Variants in LOC400499 observed in about 807,000 individuals in gnomAD.
chr16:11,389,685 CAAAAAA>C, the LOC400499 span, among the ~76,000 whole-genome samples: 2 of 59,060 alleles, frequency 3.4e-5, no homozygotes, highest in South Asian at 9.6e-4. Flanking sequence ...AACTCCATCT[CAAAAAA>C]AAAAAAAAAA....
the LOC400499 span, chr16:11,462,296 C>T: frequency 6.7e-7 from 1 of 1,489,556 alleles, no homozygotes; most frequent in Admixed American, 2.2e-5. Context: ...CTGCAGGTCA[C>T]TCCAGCCCTG....
the LOC400499 span, among the ~76,000 whole-genome samples, chr16:11,518,041 T>G: frequency 2.6e-5 from 4 of 152,044 alleles, no homozygotes; most frequent in African/African-American, 9.7e-5. Flanking sequence ...AGAGAAATGC[T>G]AATGGCGCCC....
the LOC400499 span, among the ~76,000 whole-genome samples, chr16:11,510,875 G>T: frequency 2.0e-5 from 3 of 151,640 alleles, no homozygotes; most frequent in Non-Finnish European, 2.9e-5. Context: ...GAACTTCAAG[G>T]AGGGATAAAG....
the LOC400499 span, among the ~76,000 whole-genome samples, chr16:11,464,735 G>A: frequency 0.021 from 3,242 of 152,292 alleles, 151 homozygotes; most frequent in African/African-American, 0.075. Flanking sequence ...TAATTGTGAT[G>A]AGTCTGGGGC....
the LOC400499 span, among the ~76,000 whole-genome samples, chr16:11,445,651 C>T: frequency 6.6e-6 from 1 of 152,092 alleles, no homozygotes; most frequent in Admixed American, 6.5e-5. Context: ...CTGGATGAGG[C>T]AGATGCAGGC....
At chr16:11,386,816 C>T in the LOC400499 span, among the ~76,000 whole-genome samples, 2 of 152,376 alleles carry the variant, frequency 1.3e-5, no homozygotes, top group Non-Finnish European at 2.9e-5. Flanking sequence ...AGTCTGAAGT[C>T]AGTCAGTTCT....
the LOC400499 span, among the ~76,000 whole-genome samples, chr16:11,509,809 T>C: frequency 0.61 from 93,107 of 151,816 alleles, 28,934 homozygotes; most frequent in Admixed American, 0.67. Context: ...CCAGCCTGGG[T>C]GACAAGAGTG....
chr16:11,493,604 A>ACCCAAC, the LOC400499 span: 3 of 395,732 alleles, frequency 7.6e-6, no homozygotes, highest in South Asian at 1.3e-4. Flanking sequence ...ACCCACCACC[A>ACCCAAC]CCCAACCCCA....
the LOC400499 span, among the ~76,000 whole-genome samples, chr16:11,387,607 T>C: frequency 2.6e-5 from 4 of 151,382 alleles, no homozygotes; most frequent in Non-Finnish European, 5.9e-5. Flanking sequence ...TGTGTGGGGA[T>C]GCCGAGGACA....
chr16:11,453,750 T>C, the LOC400499 span, among the ~76,000 whole-genome samples: 4 of 151,848 alleles, frequency 2.6e-5, no homozygotes, highest in Admixed American at 6.6e-5. Context: ...GGACGATCAC[T>C]TGAGCCCAGG....
At chr16:11,404,369 G>C in the LOC400499 span, among the ~76,000 whole-genome samples, 1 of 152,088 alleles carries the variant, frequency 6.6e-6, no homozygotes, top group African/African-American at 2.4e-5. Flanking sequence ...GCTTTTTTGA[G>C]ACCGAGTCTC....
the LOC400499 span, among the ~76,000 whole-genome samples, chr16:11,445,089 T>TAAA: frequency 0.034 from 4,839 of 143,602 alleles, 122 homozygotes; most frequent in East Asian, 0.14. Flanking sequence ...ACTTTGTCTT[T>TAAA]AAAAAAAAAA....
At chr16:11,470,261 C>G in the LOC400499 span, among the ~76,000 whole-genome samples, 1 of 152,224 alleles carries the variant, frequency 6.6e-6, no homozygotes, top group South Asian at 2.1e-4. Flanking sequence ...CTTCTGCAAG[C>G]TCTGCACTTC....
the LOC400499 span, chr16:11,515,873 C>CCCCCCCCCCCCCCCCCCCCCCCCCCCCA: frequency 2.6e-5 from 1 of 39,090 alleles, no homozygotes. Context: ...CCAGCCCAGC[C>CCCCCCCCCCCCCCCCCCCCCCCCCCCCA]CAGCCCAGCC....
the LOC400499 span, chr16:11,488,901 G>C: frequency 2.3e-5 from 9 of 398,612 alleles, no homozygotes; most frequent in African/African-American, 1.9e-4. Flanking sequence ...GGGAGGGGCC[G>C]TGAGGAAAGG....
At chr16:11,484,705 T>C in the LOC400499 span, among the ~76,000 whole-genome samples, 1 of 152,148 alleles carries the variant, frequency 6.6e-6, no homozygotes, top group Non-Finnish European at 1.5e-5. Context: ...CAACAGTTTT[T>C]CCAAATAAAG....
the LOC400499 span, among the ~76,000 whole-genome samples, chr16:11,455,928 C>T: frequency 6.6e-6 from 1 of 151,910 alleles, no homozygotes; most frequent in South Asian, 2.1e-4. Flanking sequence ...ACAATGAGCC[C>T]CCATGGGACC....
the LOC400499 span, chr16:11,404,704 C>T: frequency 1.0e-5 from 4 of 399,042 alleles, no homozygotes; most frequent in Non-Finnish European, 1.3e-5. Context: ...ACACACTCAC[C>T]CTGCAGGCTG....
the LOC400499 span, among the ~76,000 whole-genome samples, chr16:11,419,589 A>T: frequency 3.3e-5 from 5 of 152,260 alleles, no homozygotes; most frequent in African/African-American, 1.2e-4. Context: ...ACAAAAGCCA[A>T]AATTGACAAA....
Sources: allele counts gnomAD v4.1 joint callset (sites outside exome capture counted in the v4.1 genomes callset), GRCh38; gene constraint gnomAD v4.1.1; transcripts MANE v1.5.